Variants in GABRB2 observed in about 807,000 individuals in gnomAD.
The protein encoded by GABRB2 is gamma-aminobutyric acid receptor subunit beta-2.
A neutral mutation model predicts 54.7 loss-of-function variants in GABRB2; 16 were observed. The observed-to-expected ratio is 0.29, with a 90% CI of 0.20 to 0.44. The LOEUF is 0.44. Among genes scored for constraint, GABRB2 ranks in the 20% least tolerant of loss-of-function variants. GABRB2 has a pLI of 1.00. For synonymous variants in GABRB2, 244 were observed against 233.8 expected, an observed-to-expected ratio of 1.04 and a Z score of -0.40; for missense variants, 355 against 644.0, an observed-to-expected ratio of 0.55 and a Z score of 4.86.
At chr5:161,477,611 G>A (rs991109935) in intron 3 of GABRB2, among the ~76,000 whole-genome samples, 6 of 151,954 alleles carry the variant, frequency 3.9e-5, no homozygotes, top group African/African-American at 7.2e-5. Context: ...AACATACAAC[G>A]GCATGTTTTT....
At chr5:161,355,463 CACAT>C (rs1433711180) in intron 5 of GABRB2, among the ~76,000 whole-genome samples, 1 of 150,988 alleles carries the variant, frequency 6.6e-6, no homozygotes, top group Non-Finnish European at 1.5e-5. Context: ...AACAACTATA[CACAT>C]ACATATATGT....
At chr5:161,398,771 C>A (rs190341837) in intron 5 of GABRB2, among the ~76,000 whole-genome samples, 56 of 152,160 alleles carry the variant, frequency 3.7e-4, no homozygotes, top group African/African-American at 1.3e-3. Flanking sequence ...CTCACTGCAA[C>A]CTCTGCCACC....
At chr5:161,432,397 T>C (rs182192278) in intron 4 of GABRB2, among the ~76,000 whole-genome samples, 1 of 152,300 alleles carries the variant, frequency 6.6e-6, no homozygotes, top group Admixed American at 6.5e-5. Context: ...CCCTCCATTT[T>C]TGAGGGAAAT....
At chr5:161,364,240 A>G (rs1319574168) in intron 5 of GABRB2, among the ~76,000 whole-genome samples, 1 of 152,220 alleles carries the variant, frequency 6.6e-6, no homozygotes, top group African/African-American at 2.4e-5. Flanking sequence ...ATTTATTTCT[A>G]TAACCATAAT....
At chr5:161,477,427 C>T (rs539135303) in intron 3 of GABRB2, among the ~76,000 whole-genome samples, 2 of 151,810 alleles carry the variant, frequency 1.3e-5, no homozygotes, top group Admixed American at 1.3e-4. Context: ...AATAGAATTG[C>T]TATACAATCC....
chr5:161,410,447 C>T (rs935852058), intron 5 of GABRB2, among the ~76,000 whole-genome samples: 17 of 151,348 alleles, frequency 1.1e-4, no homozygotes, highest in African/African-American at 4.1e-4. Context: ...CATCAGATGG[C>T]CTTCAGCAAA....
intron 3 of GABRB2, among the ~76,000 whole-genome samples, chr5:161,473,597 A>T (rs1224063754): frequency 6.6e-6 from 1 of 152,056 alleles, no homozygotes; most frequent in East Asian, 1.9e-4. Flanking sequence ...TTAAAAATTA[A>T]ATTGAATTTT....
At chr5:161,394,078 G>A (rs1755921284) in intron 5 of GABRB2, among the ~76,000 whole-genome samples, 1 of 151,834 alleles carries the variant, frequency 6.6e-6, no homozygotes, top group Non-Finnish European at 1.5e-5. Flanking sequence ...ATAGGAAAAC[G>A]CCTACTAACT....
intron 5 of GABRB2, among the ~76,000 whole-genome samples, chr5:161,366,678 G>T (rs1273232071): frequency 6.6e-6 from 1 of 152,146 alleles, no homozygotes; most frequent in African/African-American, 2.4e-5. Context: ...AGGCGTGATG[G>T]CTCACGCCTG....
intron 4 of GABRB2, among the ~76,000 whole-genome samples, chr5:161,443,723 AC>A: frequency 6.6e-6 from 1 of 152,268 alleles, no homozygotes; most frequent in East Asian, 1.9e-4. Flanking sequence ...GCCCCTGGCC[AC>A]CCATGTGGTG....
At chr5:161,505,555 C>CA (rs1001490849) in intron 3 of GABRB2, among the ~76,000 whole-genome samples, 2 of 151,858 alleles carry the variant, frequency 1.3e-5, no homozygotes, top group Non-Finnish European at 2.9e-5. Flanking sequence ...AAAATATTTA[C>CA]AAAAAAATTA....
chr5:161,430,279 T>C (rs796707908), intron 4 of GABRB2, among the ~76,000 whole-genome samples: 72 of 152,362 alleles, frequency 4.7e-4, no homozygotes, highest in African/African-American at 1.7e-3. Flanking sequence ...AGGATATCTA[T>C]GAGGTTTCAG....
At chr5:161,299,469 CAA>C (rs1211146389) in intron 9 of GABRB2, among the ~76,000 whole-genome samples, 2 of 152,092 alleles carry the variant, frequency 1.3e-5, no homozygotes, top group Middle Eastern at 3.2e-3. Context: ...TGAGATGGTT[CAA>C]CTGTAAGAGG....
At chr5:161,488,517 T>C (rs1478785237) in intron 3 of GABRB2, among the ~76,000 whole-genome samples, 1 of 151,806 alleles carries the variant, frequency 6.6e-6, no homozygotes, top group African/African-American at 2.4e-5. Flanking sequence ...TTATGAAACC[T>C]CTAGGCTGAG....
intron 3 of GABRB2, among the ~76,000 whole-genome samples, chr5:161,497,703 C>G (rs1010630069): frequency 6.6e-6 from 1 of 152,138 alleles, no homozygotes; most frequent in Admixed American, 6.6e-5. Flanking sequence ...GATCCCTTAG[C>G]TACTTGTCCA....
chr5:161,395,046 G>A (rs944090896), intron 5 of GABRB2, among the ~76,000 whole-genome samples: 1 of 152,050 alleles, frequency 6.6e-6, no homozygotes, highest in Non-Finnish European at 1.5e-5. Context: ...GGTTGAGATA[G>A]GTTTATCATT....
chr5:161,498,359 T>G (rs1169707763), intron 3 of GABRB2, among the ~76,000 whole-genome samples: 1 of 152,136 alleles, frequency 6.6e-6, no homozygotes, highest in Non-Finnish European at 1.5e-5. Flanking sequence ...AGTTTTTTTT[T>G]TTTAGCTATA....
intron 4 of GABRB2, among the ~76,000 whole-genome samples, chr5:161,457,233 C>T (rs1286279987): frequency 6.6e-6 from 1 of 152,070 alleles, no homozygotes; most frequent in Non-Finnish European, 1.5e-5. Flanking sequence ...TAGATGTGTT[C>T]AGGAACCTGC....
intron 5 of GABRB2, among the ~76,000 whole-genome samples, chr5:161,340,221 C>G (rs897802610): frequency 6.6e-6 from 1 of 152,006 alleles, no homozygotes; most frequent in African/African-American, 2.4e-5. Context: ...AGTTTTCCAA[C>G]AGCAGAAACA....
Sources: allele counts gnomAD v4.1 joint callset (sites outside exome capture counted in the v4.1 genomes callset), GRCh38; gene constraint gnomAD v4.1.1; transcripts MANE v1.5; gene names NCBI Gene and HGNC (gene_info 2026-07-23, HGNC 2026-07-21).